The following ZNF676 variants were observed in gnomAD, a reference collection of about 807,000 sequenced individuals.
ZNF676 encodes zinc finger protein 676.
In ZNF676, 4 loss-of-function variants were observed where a neutral mutation model predicts 6.0. The ratio of observed to expected loss-of-function variants is 0.67; its 90% CI spans 0.33 to 1.53. The LOEUF (loss-of-function observed/expected upper bound fraction) is 1.53. ZNF676 is among the 40% of genes most tolerant of loss of function. The pLI is 0.06. For missense variants in ZNF676, 644 were observed against 679.7 expected (o/e 0.95, Z 0.58); for synonymous variants, 198 against 223.1 (o/e 0.89, Z 1.00).
chr19:22,259,271 T>A, the ZNF676 span, among the ~76,000 whole-genome samples: 1 of 152,106 alleles, frequency 6.6e-6, no homozygotes, highest in African/African-American at 2.4e-5. Flanking sequence ...TGGGCAGGAC[T>A]CAGGAAGAAG....
chr19:22,242,281 G>C, the ZNF676 span, among the ~76,000 whole-genome samples: 1 of 151,900 alleles, frequency 6.6e-6, no homozygotes, highest in Non-Finnish European at 1.5e-5. Flanking sequence ...AGGGACCAGG[G>C]ATAAAAGAAA....
chr19:22,215,759 A>T, exon 1 of ZNF676: 1 of 1,277,326 alleles, frequency 7.8e-7, no homozygotes, highest in African/African-American at 1.5e-5. Flanking sequence ...GGCTGCAGCG[A>T]GAGACAAAGG....
the ZNF676 span, among the ~76,000 whole-genome samples, chr19:22,235,124 G>GAAGA: frequency 3.1e-5 from 2 of 64,116 alleles, no homozygotes; most frequent in Non-Finnish European, 6.8e-5. Flanking sequence ...AGGAAGGCAG[G>GAAGA]AAGGAAGGAA....
the ZNF676 span, among the ~76,000 whole-genome samples, chr19:22,239,579 A>T: frequency 6.6e-6 from 1 of 152,184 alleles, no homozygotes; most frequent in South Asian, 2.1e-4. Context: ...TTGTCTGCGT[A>T]TTAAAGTCAC....
chr19:22,236,309 G>A, the ZNF676 span, among the ~76,000 whole-genome samples: 1 of 152,080 alleles, frequency 6.6e-6, no homozygotes, highest in East Asian at 1.9e-4. Flanking sequence ...AATGACCACA[G>A]AGTGAGTCTT....
chr19:22,259,058 T>TCAC, the ZNF676 span, among the ~76,000 whole-genome samples: 2 of 61,182 alleles, frequency 3.3e-5, no homozygotes, highest in Non-Finnish European at 9.8e-5. Flanking sequence ...AGTCACCAAC[T>TCAC]CATCCTATTG....
chr19:22,221,927 GTT>G, the ZNF676 span, among the ~76,000 whole-genome samples: 1 of 151,956 alleles, frequency 6.6e-6, no homozygotes, highest in Non-Finnish European at 1.5e-5. Flanking sequence ...TTGTTTGTTT[GTT>G]TGTTTGTTCA....
intron 1 of ZNF676, among the ~76,000 whole-genome samples, chr19:22,202,166 AG>A (rs1429266260): frequency 6.6e-6 from 1 of 152,082 alleles, no homozygotes; most frequent in Admixed American, 6.6e-5. Flanking sequence ...ATGAGGAGGG[AG>A]GGAGAACTGG....
At chr19:22,249,763 T>G in the ZNF676 span, among the ~76,000 whole-genome samples, 1 of 344 alleles carries the variant, frequency 2.9e-3, no homozygotes, top group East Asian at 0.5. Flanking sequence ...GTACAACGGG[T>G]TTTTTTTTTT....
chr19:22,225,002 A>G, the ZNF676 span, among the ~76,000 whole-genome samples: 8 of 152,170 alleles, frequency 5.3e-5, no homozygotes, highest in Non-Finnish European at 1.5e-5. Context: ...GTCAAAAAAA[A>G]AAGCTGTGGA....
chr19:22,196,455 G>A (rs2023967689), intron 1 of ZNF676, 145 bp downstream of exon 1: 17 of 1,466,502 alleles, frequency 1.2e-5, no homozygotes, highest in Non-Finnish European at 1.5e-5. Flanking sequence ...CAGAAGCAAG[G>A]AGTCCACGAC....
intron 2 of ZNF676, among the ~76,000 whole-genome samples, chr19:22,191,450 C>T (rs2023905328): frequency 6.6e-6 from 1 of 152,144 alleles, no homozygotes; most frequent in Non-Finnish European, 1.5e-5. Flanking sequence ...GGCAGGCCTG[C>T]AGACCTTGGT....
the ZNF676 span, among the ~76,000 whole-genome samples, chr19:22,221,766 G>C: frequency 2.0e-5 from 3 of 151,492 alleles, no homozygotes; most frequent in Non-Finnish European, 2.9e-5. Context: ...AAAAACATCA[G>C]ACTTGTCTTT....
At chr19:22,247,908 C>T in the ZNF676 span, among the ~76,000 whole-genome samples, 21 of 150,034 alleles carry the variant, frequency 1.4e-4, no homozygotes, top group Non-Finnish European at 1.5e-5. Flanking sequence ...CCCCCTACCC[C>T]ACAACAGGCC....
the ZNF676 span, among the ~76,000 whole-genome samples, chr19:22,222,423 G>GT: frequency 7.2e-5 from 11 of 151,832 alleles, no homozygotes; most frequent in South Asian, 1.5e-3. Flanking sequence ...TACTGTTTAT[G>GT]TTTTTTTTAA....
At chr19:22,260,273 G>A in the ZNF676 span, among the ~76,000 whole-genome samples, 1 of 152,176 alleles carries the variant, frequency 6.6e-6, no homozygotes, top group East Asian at 1.9e-4. Flanking sequence ...CAATTTGGGA[G>A]GCTGAGGTAG....
chr19:22,241,372 T>C, the ZNF676 span, among the ~76,000 whole-genome samples: 4 of 151,954 alleles, frequency 2.6e-5, no homozygotes, highest in Non-Finnish European at 5.9e-5. Context: ...TCCTGAAGAC[T>C]GTGTCCCCTT....
the ZNF676 span, among the ~76,000 whole-genome samples, chr19:22,253,248 T>C: frequency 2.0e-5 from 3 of 151,100 alleles, no homozygotes; most frequent in Non-Finnish European, 4.4e-5. Context: ...ATGACAATAT[T>C]TACTGCCAGC....
At chr19:22,250,579 C>T in the ZNF676 span, among the ~76,000 whole-genome samples, 1 of 152,054 alleles carries the variant, frequency 6.6e-6, no homozygotes, top group Non-Finnish European at 1.5e-5. Flanking sequence ...TTACCCTGCC[C>T]ACCTGTTTTT....
Sources: allele counts gnomAD v4.1 joint callset (sites outside exome capture counted in the v4.1 genomes callset), GRCh38; gene constraint gnomAD v4.1.1; transcripts MANE v1.5; gene names NCBI Gene and HGNC (gene_info 2026-07-23, HGNC 2026-07-21).